Variants in FRMD4B observed in about 807,000 individuals in gnomAD.
FRMD4B encodes the protein FERM domain-containing protein 4B.
Under a neutral mutation model 141.5 loss-of-function variants are expected in FRMD4B, and 74 were observed. That is an observed-to-expected ratio of 0.52 (90% CI 0.43 to 0.63). The LOEUF is 0.63. FRMD4B is among the 30% of genes least tolerant of loss of function. FRMD4B has a pLI of 0.00. For missense variants in FRMD4B, 1,366 were observed against 1,253.4 expected, an observed-to-expected ratio of 1.09 and a Z score of -1.36; for synonymous variants, 506 against 467.9, an observed-to-expected ratio of 1.08 and a Z score of -1.05.
At chr3:69,192,518 A>G (rs1228650864) in intron 17 of FRMD4B, among the ~76,000 whole-genome samples, 1 of 152,242 alleles carries the variant, frequency 6.6e-6, no homozygotes, top group African/African-American at 2.4e-5. Flanking sequence ...CCATACCAAT[A>G]AACATGTAAG....
intron 1 of FRMD4B, among the ~76,000 whole-genome samples, chr3:69,459,492 A>G (rs1014803576): frequency 5.9e-5 from 9 of 152,258 alleles, no homozygotes; most frequent in Non-Finnish European, 1.3e-4. Flanking sequence ...AAATGCCTGT[A>G]TGTGCTACCC....
intron 1 of FRMD4B, among the ~76,000 whole-genome samples, chr3:69,497,077 T>C (rs754467926): frequency 6.6e-6 from 1 of 152,052 alleles, no homozygotes; most frequent in African/African-American, 2.4e-5. Flanking sequence ...CAATGACATA[T>C]GCTGTATCCA....
At chr3:69,213,788 G>A (rs1189959808) in intron 11 of FRMD4B, among the ~76,000 whole-genome samples, 4 of 151,172 alleles carry the variant, frequency 2.6e-5, no homozygotes, top group Admixed American at 2.6e-4. Flanking sequence ...TCAGCCTCCT[G>A]TATAACTGGG....
chr3:69,365,006 G>T, intron 1 of FRMD4B, among the ~76,000 whole-genome samples: 1 of 151,968 alleles, frequency 6.6e-6, no homozygotes, highest in Non-Finnish European at 1.5e-5. Context: ...ATATGAAACC[G>T]AATAGTATAG....
intron 7 of FRMD4B, 110 bp from the exon 8 acceptor site, chr3:69,224,800 G>A: frequency 1.5e-6 from 1 of 660,426 alleles, no homozygotes; most frequent in Non-Finnish European, 2.7e-6. Context: ...GCATGTTGGA[G>A]CCAACATACA....
chr3:69,249,469 T>C (rs899077148), intron 6 of FRMD4B, among the ~76,000 whole-genome samples: 5 of 152,310 alleles, frequency 3.3e-5, no homozygotes, highest in Middle Eastern at 3.4e-3. Flanking sequence ...AAGAAACATA[T>C]GTATGTGAAA....
At chr3:69,478,594 T>A (rs1213514382) in intron 1 of FRMD4B, among the ~76,000 whole-genome samples, 3 of 152,208 alleles carry the variant, frequency 2.0e-5, no homozygotes, top group Admixed American at 2.0e-4. Context: ...TTCTGTTCTT[T>A]CACATTTGCT....
intron 1 of FRMD4B, among the ~76,000 whole-genome samples, chr3:69,344,434 G>C (rs1318121407): frequency 6.6e-6 from 1 of 152,186 alleles, no homozygotes; most frequent in African/African-American, 2.4e-5. Flanking sequence ...TAATATATTT[G>C]GGTAATAGGG....
intron 1 of FRMD4B, among the ~76,000 whole-genome samples, chr3:69,444,338 A>G (rs2106871105): frequency 6.6e-6 from 1 of 152,330 alleles, no homozygotes; most frequent in Middle Eastern, 3.4e-3. Flanking sequence ...TCTGATGCTA[A>G]TTTCAGGTAG....
rs780481405 is a variant in FRMD4B, at chr3:69,250,164, G to T, written c.502-65C>A. On this transcript the variant is annotated intron_variant, in intron 5 of 22. Coordinates refer to ENST00000398540, the MANE Select transcript of FRMD4B (RefSeq NM_015123.3). The stretch of plus-strand genomic sequence containing the variant: ...GTCCTAGATTGTAGCAAATGGCTCT[G>T]AAGTTGAGGAAGCTGTCACAGCTTG... 6.5e-6 allele frequency: 7 copies of T among 1,078,076 alleles called. No individual in the cohort carries two copies. In the South Asian group the frequency reaches 7.5e-5, roughly 11 times the overall value. The allele number at this position is 1,078,076 out of a possible 1,614,324, so 66.8% of individuals were successfully genotyped here.
intron 2 of FRMD4B, among the ~76,000 whole-genome samples, chr3:69,392,250 C>G (rs1254301712): frequency 6.6e-6 from 1 of 152,150 alleles, no homozygotes; most frequent in Non-Finnish European, 1.5e-5. Context: ...GAAGAGGAAT[C>G]TGAACAAGAA....
At position 69,263,203 on chromosome 3, in the gene FRMD4B, G is replaced by C. The variant is rs143074690; in HGVS notation, c.502-13104C>G. On this transcript the variant is annotated intron_variant, in intron 5 of 22. Coordinates refer to ENST00000398540, the MANE Select transcript of FRMD4B (RefSeq NM_015123.3). ...ACCCGGGAGGTGGAGGTTGCAGTGA[G>C]CCGAGTTTGTGCCACTGCACTCCAA... Among the ~76,000 whole-genome samples, 1,277 of 152,184 alleles carry C rather than the reference G, an allele frequency of 8.4e-3. 8 individuals are homozygous for C. The highest frequency in any genetic ancestry group is 0.013 in the Non-Finnish European group (860 of 68,010).
At chr3:69,426,451 C>T (rs1390654209) in intron 2 of FRMD4B, among the ~76,000 whole-genome samples, 1 of 152,088 alleles carries the variant, frequency 6.6e-6, no homozygotes, top group Non-Finnish European at 1.5e-5. Flanking sequence ...AGAGTTTTCT[C>T]ACGTTAATAC....
At chr3:69,194,031 T>G (rs1575597059) in intron 16 of FRMD4B, among the ~76,000 whole-genome samples, 158 bp from the exon 17 acceptor site, 1 of 152,250 alleles carries the variant, frequency 6.6e-6, no homozygotes, top group Non-Finnish European at 1.5e-5. Context: ...TGTCAAACAC[T>G]TTCCTTTACT....
chr3:69,380,856 T>C (rs2200247), intron 1 of FRMD4B, among the ~76,000 whole-genome samples: 49,905 of 152,110 alleles, frequency 0.33, 8,703 homozygotes, highest in African/African-American at 0.45. Flanking sequence ...AGGAATAAAC[T>C]GAGGGTTTTG....
intron 5 of FRMD4B, among the ~76,000 whole-genome samples, chr3:69,281,876 A>G (rs896227152): frequency 4.6e-5 from 7 of 151,218 alleles, no homozygotes; most frequent in African/African-American, 1.7e-4. Context: ...ATTTTTCACA[A>G]AAGTGAAAAA....
intron 1 of FRMD4B, among the ~76,000 whole-genome samples, chr3:69,384,702 G>A (rs1704206108): frequency 6.6e-6 from 1 of 152,162 alleles, no homozygotes; most frequent in Non-Finnish European, 1.5e-5. Flanking sequence ...AAGTTCAAAT[G>A]TTCCTCATAT....
chr3:69,345,301 C>G (rs762549980), intron 1 of FRMD4B, among the ~76,000 whole-genome samples: 8 of 152,306 alleles, frequency 5.3e-5, no homozygotes, highest in Non-Finnish European at 1.0e-4. Context: ...GGGTACCCGC[C>G]ATTGCTGAGG....
intron 5 of FRMD4B, among the ~76,000 whole-genome samples, chr3:69,283,492 A>G (rs1453416314): frequency 1.3e-5 from 2 of 151,794 alleles, no homozygotes; most frequent in Non-Finnish European, 2.9e-5. Flanking sequence ...ATGCAGTAGC[A>G]TTTAAAGGAA....
Sources: gnomAD v4.1 joint callset for allele counts (sites outside exome capture counted in the v4.1 genomes callset) on GRCh38, gnomAD v4.1.1 for gene constraint, MANE v1.5 for transcripts, NCBI Gene and HGNC (gene_info 2026-07-23, HGNC 2026-07-21) for gene names.